KLHL29: variants seen among roughly 807,000 people sequenced by gnomAD.
KLHL29 encodes kelch like family member 29.
KLHL29 carries 21 observed loss-of-function variants against 80.4 expected under a neutral mutation model. The ratio of observed to expected loss-of-function variants is 0.26; its 90% CI spans 0.19 to 0.38. KLHL29 has a LOEUF of 0.38. KLHL29 is among the 10% of genes least tolerant of loss of function. KLHL29 has a pLI of 1.00. For synonymous variants in KLHL29, 511 were observed against 526.8 expected (o/e 0.97, Z 0.41); for missense variants, 867 against 1,223.9 (o/e 0.71, Z 4.35).
chr2:23,634,157 G>A (rs931853408), intron 3 of KLHL29, among the ~76,000 whole-genome samples: 15 of 152,226 alleles, frequency 9.9e-5, no homozygotes, highest in South Asian at 2.1e-4. Flanking sequence ...CCCAGAGTGC[G>A]TGCTCAGTGA....
chr2:23,585,709 A>G (rs1668100859), intron 3 of KLHL29, among the ~76,000 whole-genome samples: 1 of 151,984 alleles, frequency 6.6e-6, no homozygotes, highest in Non-Finnish European at 1.5e-5. Context: ...CTCCCTCACC[A>G]AGGGGAGGGG....
chr2:23,703,640 G>A (rs952397617), intron 12 of KLHL29, 79 bp from the exon 13 acceptor site: 1 of 1,446,782 alleles, frequency 6.9e-7, no homozygotes. Flanking sequence ...TTCCTTCCCT[G>A]GAGGGTCTTC....
chr2:23,486,938 G>A (rs1318671659), intron 2 of KLHL29, among the ~76,000 whole-genome samples: 2 of 152,214 alleles, frequency 1.3e-5, no homozygotes, highest in Non-Finnish European at 2.9e-5. Flanking sequence ...CAACTTGCAT[G>A]CACTTTCTCG....
intron 5 of KLHL29, among the ~76,000 whole-genome samples, chr2:23,662,579 C>T (rs1478835566): frequency 6.6e-6 from 1 of 152,176 alleles, no homozygotes; most frequent in Non-Finnish European, 1.5e-5. Flanking sequence ...TCTGGCCTTC[C>T]CTCCCTCCCC....
At chr2:23,424,541 AG>A (rs1662952832) in intron 1 of KLHL29, among the ~76,000 whole-genome samples, 1 of 152,256 alleles carries the variant, frequency 6.6e-6, no homozygotes, top group Non-Finnish European at 1.5e-5. Flanking sequence ...GTTAATGAGG[AG>A]CCTAAGAATG....
chr2:23,511,174 C>T (rs1171098393), intron 2 of KLHL29, among the ~76,000 whole-genome samples: 2 of 152,140 alleles, frequency 1.3e-5, no homozygotes, highest in Non-Finnish European at 2.9e-5. Context: ...ATGTGAACTT[C>T]TGAGACACTG....
intron 3 of KLHL29, among the ~76,000 whole-genome samples, chr2:23,623,278 C>T (rs1291020751): frequency 6.6e-6 from 1 of 152,178 alleles, no homozygotes. Context: ...CCCTACAGTG[C>T]TGGCCTGTCC....
rs1664522860 is a variant in KLHL29 at position 23,472,535 on chromosome 2, G to C, written c.-153-3025G>C. On this transcript the variant is annotated intron_variant, in intron 1 of 13. Coordinates refer to ENST00000486442, the MANE Select transcript of KLHL29 (RefSeq NM_052920.2). Reference sequence around the variant, plus strand: ...TGTAGTCCCAGCTACTTGGGAGACTGAGGCAGGAGAATTGCTTGAACCCGG... The same window carrying C: ...TGTAGTCCCAGCTACTTGGGAGACTCAGGCAGGAGAATTGCTTGAACCCGG... Among the ~76,000 whole-genome samples, 2 of 152,238 alleles carry C rather than the reference G, an allele frequency of 1.3e-5. 1 individual carries two copies. The highest frequency in any genetic ancestry group is 4.1e-4 in the South Asian group (2 of 4,830).
intron 1 of KLHL29, among the ~76,000 whole-genome samples, chr2:23,459,993 T>C (rs1266644855): frequency 6.6e-6 from 1 of 152,194 alleles, no homozygotes; most frequent in African/African-American, 2.4e-5. Context: ...GAGGAGAAGC[T>C]GGAAGGGTAT....
At chr2:23,699,956 A>G (rs1672263309) in intron 11 of KLHL29, among the ~76,000 whole-genome samples, 1 of 152,164 alleles carries the variant, frequency 6.6e-6, no homozygotes, top group African/African-American at 2.4e-5. Flanking sequence ...GAGAAAATGG[A>G]GCCATCAGTC....
In KLHL29 at chr2:23,680,980, C is replaced by A. The variant is rs1467098299; in HGVS notation, c.941-3419C>A. Among the ~76,000 whole-genome samples, 4 of 152,210 alleles carry A rather than the reference C, an allele frequency of 2.6e-5. No individual in the cohort carries two copies. Among genetic ancestry groups the A allele is most frequent in the Non-Finnish European group, 5.9e-5 (4 of 68,036 alleles). ...AGATCTCCCCAGACCCCGCAGCAATCCCACACACCTCACTTGGAAGCTTCT... is the reference window on the plus strand; with the variant it reads ...AGATCTCCCCAGACCCCGCAGCAATACCACACACCTCACTTGGAAGCTTCT... On this transcript the variant is annotated intron_variant, in intron 5 of 13. Transcript: ENST00000486442. The surrounding 1 kb of genome is among the most constrained non-coding windows in gnomAD (Gnocchi z 4.1).
chr2:23,403,201 A>G (rs1666638259), intron 1 of KLHL29, among the ~76,000 whole-genome samples: 1 of 152,224 alleles, frequency 6.6e-6, no homozygotes, highest in Non-Finnish European at 1.5e-5. Flanking sequence ...AGAATTAACT[A>G]TCATAGGAAA....
At chr2:23,584,479 A>G (rs1221646358) in intron 3 of KLHL29, among the ~76,000 whole-genome samples, 1 of 152,174 alleles carries the variant, frequency 6.6e-6, no homozygotes, top group Non-Finnish European at 1.5e-5. Flanking sequence ...CATGCTCGTA[A>G]TTTACGTCTT....
intron 2 of KLHL29, among the ~76,000 whole-genome samples, chr2:23,546,629 G>A (rs900022233): frequency 3.3e-5 from 5 of 152,132 alleles, no homozygotes; most frequent in Non-Finnish European, 7.4e-5. Flanking sequence ...TGGCCTAGGA[G>A]GGAAACTGAG....
chr2:23,431,414 C>T (rs549156967), intron 1 of KLHL29, among the ~76,000 whole-genome samples: 6 of 152,308 alleles, frequency 3.9e-5, no homozygotes, highest in African/African-American at 1.2e-4. Context: ...GATGTGGGCT[C>T]AAAATGGGGA....
chr2:23,494,314 C>T (rs75094393), intron 2 of KLHL29, among the ~76,000 whole-genome samples: 1 of 152,166 alleles, frequency 6.6e-6, no homozygotes, highest in African/African-American at 2.4e-5. Flanking sequence ...AAAAGCTCCA[C>T]GTTTTGTAGA....
Position 23,503,621 on chromosome 2 carries a change from G to A in KLHL29, c.-46+27954G>A, listed in dbSNP as rs116732603. Among the ~76,000 whole-genome samples the A allele has an allele frequency of 5.4e-4, 81 of 150,972 alleles. No homozygotes were observed. Among genetic ancestry groups the A allele is most frequent in the African/African-American group, 1.9e-3 (80 of 41,090 alleles). On this transcript the variant is annotated intron_variant, in intron 2 of 13. Coordinates refer to ENST00000486442, the MANE Select transcript of KLHL29 (RefSeq NM_052920.2). This position sits in a 1 kb window ranked among gnomAD's most constrained non-coding sequence, Gnocchi z 4.0. ...CGCTCATCCAGAACAGAGGCACCAT[G>A]GCCAGGAGGCCCTTCCTTTGTTGGG...
intron 3 of KLHL29, among the ~76,000 whole-genome samples, chr2:23,623,055 C>T (rs956205855): frequency 1.2e-4 from 18 of 152,158 alleles, no homozygotes; most frequent in African/African-American, 4.3e-4. Flanking sequence ...GGCTTCTGCA[C>T]GGTGACATGA....
chr2:23,698,024 T>C (rs1218222888), intron 11 of KLHL29: 13 of 152,334 alleles, frequency 8.5e-5, no homozygotes, highest in African/African-American at 2.9e-4. Context: ...TGTTGATAAA[T>C]ATAGGGATTT....
Sources: gnomAD v4.1 joint callset for allele counts (sites outside exome capture counted in the v4.1 genomes callset) on GRCh38, gnomAD v4.1.1 for gene constraint, Gnocchi (gnomAD v3.1) non-coding constraint, MANE v1.5 for transcripts, NCBI Gene and HGNC (gene_info 2026-07-23, HGNC 2026-07-21) for gene names.